Variants in PTPRM observed in about 807,000 individuals in gnomAD.
PTPRM encodes the protein protein tyrosine phosphatase receptor type M, also known as receptor-type tyrosine-protein phosphatase mu.
PTPRM carries 47 observed loss-of-function variants against 186.7 expected under a neutral mutation model. The ratio of observed to expected loss-of-function variants is 0.25; its 90% confidence interval spans 0.20 to 0.32. The LOEUF (loss-of-function observed/expected upper bound fraction) is 0.32. Ranked by LOEUF, PTPRM falls within the 10% of genes least tolerant of loss-of-function variation. The pLI, the probability that PTPRM is intolerant of heterozygous loss-of-function variation, is 1.00. For missense variants in PTPRM, 1,494 were observed against 1,865.0 expected (o/e 0.80, Z 3.66); for synonymous variants, 668 against 674.9 (o/e 0.99, Z 0.16).
At chr18:7,919,676 AGT>A (rs1459729460) in intron 4 of PTPRM, among the ~76,000 whole-genome samples, 1 of 152,184 alleles carries the variant, frequency 6.6e-6, no homozygotes, top group Non-Finnish European at 1.5e-5. Flanking sequence ...ATGAAAAGAA[AGT>A]GTATTCCATA....
At chr18:8,108,476 A>T (rs900490667) in intron 11 of PTPRM, among the ~76,000 whole-genome samples, 3 of 152,188 alleles carry the variant, frequency 2.0e-5, no homozygotes, top group Admixed American at 6.5e-5. Flanking sequence ...TGGATTTACA[A>T]CTCATCTTGA....
chr18:8,180,853 T>G (rs1368341233), intron 14 of PTPRM, among the ~76,000 whole-genome samples: 2 of 152,318 alleles, frequency 1.3e-5, no homozygotes, highest in East Asian at 3.9e-4. Context: ...CATTCCCATG[T>G]GCCACCTATG....
intron 7 of PTPRM, among the ~76,000 whole-genome samples, chr18:8,008,657 A>G (rs1441278863): frequency 1.3e-5 from 2 of 152,124 alleles, no homozygotes; most frequent in Non-Finnish European, 2.9e-5. Flanking sequence ...TTGGATGTGA[A>G]TGTTATTTTT....
intron 14 of PTPRM, among the ~76,000 whole-genome samples, chr18:8,199,840 T>G (rs1270070067): frequency 6.6e-6 from 1 of 152,200 alleles, no homozygotes; most frequent in African/African-American, 2.4e-5. Flanking sequence ...CTCTTACCTT[T>G]GTTTTGTTCA....
intron 1 of PTPRM, among the ~76,000 whole-genome samples, chr18:7,669,008 A>G (rs1244242150): frequency 6.6e-6 from 1 of 152,012 alleles, no homozygotes; most frequent in Non-Finnish European, 1.5e-5. Context: ...TGAATGAGTG[A>G]ATGACTGAGT....
rs370746043 is a variant in PTPRM at position 7,842,947 on chromosome 18, T to TATATATATATATAGAG, written c.197-45158_197-45157insTATATATATATAGAGA. On this transcript the variant is annotated intron_variant, in intron 2 of 32. Transcript: ENST00000580170. The stretch of plus-strand genomic sequence containing the variant: ...GTGTGTGTGTATATATATATATATA[T>TATATATATATATAGAG]AGAGAGAGAGAGAGAGAGAGAGAGA... Among the ~76,000 whole-genome samples, 211 of 112,078 alleles carry TATATATATATATAGAG rather than the reference T, an allele frequency of 1.9e-3. 3 individuals carry two copies. The highest frequency in any genetic ancestry group is 7.9e-3 in the African/African-American group (187 of 23,752). 73.5% of individuals were successfully genotyped at this position (112,078 alleles called of 152,430 possible).
intron 32 of PTPRM, among the ~76,000 whole-genome samples, chr18:8,395,328 G>A (rs1339473774): frequency 6.6e-6 from 1 of 152,130 alleles, no homozygotes; most frequent in Non-Finnish European, 1.5e-5. Context: ...GATGGGACAA[G>A]CGCCAAAGCC....
At chr18:7,996,551 T>G (rs1193081084) in intron 7 of PTPRM, among the ~76,000 whole-genome samples, 1 of 151,932 alleles carries the variant, frequency 6.6e-6, no homozygotes, top group Admixed American at 6.6e-5. Context: ...GAAATCAAGC[T>G]AGAGAAAAAA....
intron 14 of PTPRM, among the ~76,000 whole-genome samples, chr18:8,195,442 A>G (rs1395720681): frequency 6.6e-6 from 1 of 152,196 alleles, no homozygotes; most frequent in Non-Finnish European, 1.5e-5. Flanking sequence ...TATCTACCCA[A>G]AGGAAAAGAA....
intron 3 of PTPRM, among the ~76,000 whole-genome samples, chr18:7,891,970 G>A (rs2049106388): frequency 6.6e-6 from 1 of 152,176 alleles, no homozygotes; most frequent in Non-Finnish European, 1.5e-5. Flanking sequence ...CTGAGAAGCT[G>A]AATGTGATTA....
chr18:7,894,204 T>C (rs2049226061), intron 3 of PTPRM, among the ~76,000 whole-genome samples: 1 of 152,164 alleles, frequency 6.6e-6, no homozygotes, highest in African/African-American at 2.4e-5. Flanking sequence ...TGATTTCCCA[T>C]ATAGATTTCT....
intron 2 of PTPRM, among the ~76,000 whole-genome samples, chr18:7,833,778 AC>A (rs1299549968): frequency 4.2e-4 from 49 of 117,914 alleles, no homozygotes; most frequent in African/African-American, 1.4e-3. Context: ...AACAACAACA[AC>A]AACAAAAGCA....
At chr18:7,960,480 T>TATATACACACACACACAC (rs1300573371) in intron 7 of PTPRM, among the ~76,000 whole-genome samples, 4 of 86,598 alleles carry the variant, frequency 4.6e-5, no homozygotes, top group Admixed American at 1.3e-4. Context: ...TATATATATA[T>TATATACACACACACACAC]ACACACACAC....
intron 1 of PTPRM, among the ~76,000 whole-genome samples, chr18:7,725,426 G>A (rs946492085): frequency 6.6e-6 from 1 of 152,044 alleles, no homozygotes; most frequent in Non-Finnish European, 1.5e-5. Flanking sequence ...GAAAAGGACG[G>A]GTCCCTGGTG....
intron 23 of PTPRM, among the ~76,000 whole-genome samples, chr18:8,359,372 C>T (rs2148379610): frequency 6.6e-6 from 1 of 152,260 alleles, no homozygotes; most frequent in East Asian, 1.9e-4. Flanking sequence ...TATGGAGACA[C>T]CTGTGCCTGG....
At chr18:8,232,671 G>A (rs1383158626) in intron 14 of PTPRM, among the ~76,000 whole-genome samples, 1 of 152,044 alleles carries the variant, frequency 6.6e-6, no homozygotes, top group African/African-American at 2.4e-5. Flanking sequence ...CCAGAGATGG[G>A]GTTTCACCAT....
chr18:7,684,955 A>G (rs187132915), intron 1 of PTPRM, among the ~76,000 whole-genome samples: 68 of 152,338 alleles, frequency 4.5e-4, no homozygotes, highest in African/African-American at 1.6e-3. Context: ...AAACCAATTT[A>G]CATTCCCAAC....
At chr18:7,704,686 T>C (rs1468139043) in intron 1 of PTPRM, among the ~76,000 whole-genome samples, 1 of 152,118 alleles carries the variant, frequency 6.6e-6, no homozygotes, top group Non-Finnish European at 1.5e-5. Context: ...TCACTGGGGA[T>C]TAAGGATGAG....
chr18:8,188,563 C>T (rs575412534), intron 14 of PTPRM, among the ~76,000 whole-genome samples: 2 of 152,174 alleles, frequency 1.3e-5, no homozygotes, highest in Non-Finnish European at 2.9e-5. Flanking sequence ...ATTGCCTGTG[C>T]CCAGCCCTGG....
Sources: gnomAD v4.1 joint callset for allele counts (sites outside exome capture counted in the v4.1 genomes callset) on GRCh38, gnomAD v4.1.1 for gene constraint, MANE v1.5 for transcripts, NCBI Gene and HGNC (gene_info 2026-07-23, HGNC 2026-07-21) for gene names.